Variants in ANKDD1A observed in about 807,000 individuals in gnomAD.
ANKDD1A encodes the protein ankyrin repeat and death domain containing 1A.
A neutral mutation model predicts 63.5 loss-of-function variants in ANKDD1A; 59 were observed. That is an observed-to-expected ratio of 0.93 (90% confidence interval 0.75 to 1.15). The LOEUF is 1.15. ANKDD1A is among the 50% of genes most tolerant of loss of function. The pLI is 0.00. For synonymous variants in ANKDD1A, 266 were observed against 263.9 expected, an observed-to-expected ratio of 1.01 and a Z score of -0.08; for missense variants, 632 against 656.4, an observed-to-expected ratio of 0.96 and a Z score of 0.41.
chr15:64,940,120 T>C (rs1023209531), intron 9 of ANKDD1A, among the ~76,000 whole-genome samples: 1 of 137,292 alleles, frequency 7.3e-6, no homozygotes, highest in African/African-American at 2.7e-5. Flanking sequence ...CTAGAGTATA[T>C]AAAGGGCTCT....
rs772250726 is a variant in ANKDD1A at position 64,915,796 on chromosome 15, G to A, written c.35-1G>A. The A allele has an allele frequency of 1.2e-6, 2 of 1,613,754 alleles. No individual in the cohort carries two copies. The highest frequency in any genetic ancestry group is 2.7e-5 in the African/African-American group (2 of 74,916). On this transcript the variant is annotated splice_acceptor_variant, in intron 1 of 14. Transcript: ENST00000319580. LOFTEE classifies it high-confidence loss of function. The stretch of plus-strand genomic sequence containing the variant: ...TCCTGCACCCCATTTTCTCCCCACA[G>A]TGCTTCCTCTGGAGAGGCAGCTCCA...
intron 11 of ANKDD1A, 113 bp from the exon 12 acceptor site, chr15:64,944,539 T>G: frequency 1.1e-6 from 1 of 926,126 alleles, no homozygotes. Flanking sequence ...GCTCTCAGCG[T>G]AGACTGCTGG....
chr15:64,939,235 G>A (rs2085160908), intron 9 of ANKDD1A, among the ~76,000 whole-genome samples: 1 of 152,094 alleles, frequency 6.6e-6, no homozygotes. Flanking sequence ...GGAGGTCAAG[G>A]CTGCAGTGAG....
intron 6 of ANKDD1A, among the ~76,000 whole-genome samples, chr15:64,928,882 T>C (rs1422070995): frequency 6.6e-6 from 1 of 152,256 alleles, no homozygotes; most frequent in East Asian, 1.9e-4. Context: ...GTGTGCCACT[T>C]GCAGCTTCAA....
In ANKDD1A at chr15:64,934,161, C is replaced by T; in HGVS notation, c.794C>T (p.Ala265Val). Residue 265 changes from alanine to valine, a missense_variant, in exon 9 of 15, where the codon GCA (alanine) becomes GTA (valine). Transcript: ENST00000319580. The part of the protein sequence containing the change: ...TQKNLSCLHY[A>V]ALSGSEDVSR... ...AAAAACCTAAGCTGCCTTCACTATG[C>T]AGCCCTCAGTGGCTCGGAGGATGTG... 6.2e-7 allele frequency: 1 copy of T among 1,611,718 alleles called. No individual in the cohort carries two copies. Among genetic ancestry groups the T allele is most frequent in the Non-Finnish European group, 8.5e-7 (1 of 1,178,744 alleles).
intron 14 of ANKDD1A, among the ~76,000 whole-genome samples, chr15:64,953,506 CTCT>C (rs2085342823): frequency 2.0e-5 from 1 of 49,258 alleles, no homozygotes; most frequent in South Asian, 7.9e-4. Context: ...GTTCTTCCTC[CTCT>C]TCCTTCTCCT....
At chr15:64,952,352 TTCC>T (rs1030757352) in intron 14 of ANKDD1A, among the ~76,000 whole-genome samples, 8 of 144,592 alleles carry the variant, frequency 5.5e-5, no homozygotes, top group South Asian at 5.5e-4. Context: ...TTCTTAGTTC[TTCC>T]TCCTTCTTCT....
chr15:64,943,360 A>G (rs2085199136), intron 10 of ANKDD1A, 124 bp from the exon 11 acceptor site: 2 of 792,002 alleles, frequency 2.5e-6, no homozygotes, highest in Admixed American at 4.4e-5. Context: ...CAACAAACTG[A>G]AAACATTCTG....
chr15:64,929,082 C>T (rs1454990286), intron 6 of ANKDD1A, among the ~76,000 whole-genome samples: 1 of 152,244 alleles, frequency 6.6e-6, no homozygotes, highest in Admixed American at 6.5e-5. Flanking sequence ...AGCCAGCCTG[C>T]AGGCTATAGG....
chr15:64,954,381 T>TCTTCTC lies in ANKDD1A; in HGVS notation c.1484-2722_1484-2721insCTTCTC, dbSNP rs1227707114. ...TTCTTCTCCTTCTTCTTCCTTTTCTTTTCTTCTTCTTTCTTCTTCCTTCCT... is the reference window on the plus strand; with the variant it reads ...TTCTTCTCCTTCTTCTTCCTTTTCTTCTTCTCTTCTTCTTCTTTCTTCTTCCTTCCT... On this transcript the variant is annotated intron_variant, in intron 14 of 14. Coordinates refer to ENST00000319580, the MANE Select transcript of ANKDD1A (RefSeq NM_182703.6). Among the ~76,000 whole-genome samples, 34 of 7,996 alleles carry TCTTCTC rather than the reference T, an allele frequency of 4.3e-3. No individual in the cohort carries two copies. In the East Asian group the frequency reaches 0.24, roughly 56 times the overall value. 5.2% of individuals were successfully genotyped at this position (7,996 alleles called of 152,430 possible).
intron 14 of ANKDD1A, among the ~76,000 whole-genome samples, chr15:64,954,475 CT>C: frequency 6.9e-6 from 1 of 144,474 alleles, no homozygotes; most frequent in African/African-American, 2.6e-5. Flanking sequence ...CCTTCTTCCT[CT>C]TTTTCTTCTT....
intron 2 of ANKDD1A, 30 bp downstream of exon 2, chr15:64,915,930 A>G: frequency 1.2e-6 from 2 of 1,600,458 alleles, no homozygotes; most frequent in Non-Finnish European, 1.7e-6. Flanking sequence ...GAATCCAGGC[A>G]CCTGGGATAG....
intron 8 of ANKDD1A, 159 bp downstream of exon 8, chr15:64,931,744 A>T (rs1448842212): frequency 1.4e-6 from 1 of 731,098 alleles, no homozygotes. Flanking sequence ...GAGCCCTGTG[A>T]CCTGGAGCAA....
intron 8 of ANKDD1A, 100 bp from the exon 9 acceptor site, chr15:64,934,036 G>A (rs1453066263): frequency 1.1e-6 from 1 of 912,802 alleles, no homozygotes; most frequent in Non-Finnish European, 1.7e-6. Context: ...ACTCCCAGGG[G>A]TGTTGTGACA....
chr15:64,927,342 G>A (rs2085053323), intron 6 of ANKDD1A, among the ~76,000 whole-genome samples: 2 of 152,238 alleles, frequency 1.3e-5, no homozygotes, highest in South Asian at 4.1e-4. Context: ...GTTGAGCAGG[G>A]CTGTGATCTA....
intron 13 of ANKDD1A, among the ~76,000 whole-genome samples, chr15:64,949,300 C>T (rs946010384): frequency 3.9e-5 from 6 of 152,294 alleles, no homozygotes; most frequent in Middle Eastern, 3.4e-3. Flanking sequence ...GCACCCAGTC[C>T]CAGGTACATG....
chr15:64,920,722 A>AT (rs983708398), intron 3 of ANKDD1A, among the ~76,000 whole-genome samples: 6 of 151,842 alleles, frequency 4.0e-5, no homozygotes, highest in African/African-American at 1.5e-4. Flanking sequence ...CAGCCAATTA[A>AT]TTTTTTTATA....
chr15:64,951,588 T>TTTCTTCTTTC (rs141894830), intron 14 of ANKDD1A, among the ~76,000 whole-genome samples: 1 of 107,182 alleles, frequency 9.3e-6, no homozygotes, highest in African/African-American at 3.0e-5. Flanking sequence ...TCTTCTTCCT[T>TTTCTTCTTTC]TTCTTTCTTC....
At chr15:64,951,858 TTCC>T (rs1468968660) in intron 14 of ANKDD1A, among the ~76,000 whole-genome samples, 255 of 29,446 alleles carry the variant, frequency 8.7e-3, no homozygotes, top group African/African-American at 0.011. Context: ...TTCTTTCTTC[TTCC>T]TCTTCTTTTT....
Sources: allele counts gnomAD v4.1 joint callset (sites outside exome capture counted in the v4.1 genomes callset), GRCh38; gene constraint gnomAD v4.1.1; transcripts MANE v1.5; gene names NCBI Gene and HGNC (gene_info 2026-07-23, HGNC 2026-07-21).